ATP2C2: variants seen among roughly 807,000 people sequenced by gnomAD.
ATP2C2 encodes calcium-transporting ATPase type 2C member 2.
ATP2C2 carries 171 observed loss-of-function variants against 110.8 expected under a neutral mutation model. That is an observed-to-expected ratio of 1.54 (90% CI 1.36 to 1.75). The LOEUF (loss-of-function observed/expected upper bound fraction) is 1.75. Ranked by LOEUF, ATP2C2 falls within the 40% of genes most tolerant of loss-of-function variation. ATP2C2 has a pLI of 0.00. For synonymous variants in ATP2C2, 804 were observed against 508.4 expected, an observed-to-expected ratio of 1.58 and a Z score of -7.82; for missense variants, 1,963 against 1,235.0, an observed-to-expected ratio of 1.59 and a Z score of -8.84.
intron 3 of ATP2C2, among the ~76,000 whole-genome samples, chr16:84,407,907 A>G (rs1299634999): frequency 6.6e-6 from 1 of 152,244 alleles, no homozygotes; most frequent in East Asian, 1.9e-4. Flanking sequence ...AAGGGCAGAT[A>G]TATAAAATAA....
intron 1 of ATP2C2, among the ~76,000 whole-genome samples, chr16:84,390,744 G>A (rs1904607495): frequency 6.6e-6 from 1 of 152,174 alleles, no homozygotes; most frequent in South Asian, 2.1e-4. Context: ...TAGATGCACT[G>A]AACTGCATGC....
chr16:84,447,024 C>A (rs1029097973), intron 16 of ATP2C2, among the ~76,000 whole-genome samples: 31 of 152,114 alleles, frequency 2.0e-4, no homozygotes, highest in Admixed American at 1.6e-3. Context: ...ATGGCCACCC[C>A]GGGTGGACAT....
In ATP2C2 at chr16:84,405,795, C is replaced by T. The variant is rs1018046663; in HGVS notation, c.327+551C>T. Among the ~76,000 whole-genome samples the T allele has an allele frequency of 2.0e-5, 3 of 152,240 alleles. No individual in the cohort carries two copies. The East Asian group carries it at 5.8e-4, about 29-fold the overall frequency. ...ATTAGCCGGATGTGGTAGTGGATGC[C>T]TGTAATCCCAGCTACTGAGGAGGCT... On this transcript the variant is annotated intron_variant, in intron 3 of 26. Coordinates refer to ENST00000262429, the MANE Select transcript of ATP2C2 (RefSeq NM_014861.4).
Position 84,439,513 on chromosome 16 carries a change from C to A in ATP2C2, c.1198C>A (p.Leu400Ile), listed in dbSNP as rs201069944. 15 of 1,614,014 alleles carry A rather than the reference C, an allele frequency of 9.3e-6. No homozygotes were observed. The highest frequency in any genetic ancestry group is 1.3e-5 in the Non-Finnish European group (15 of 1,180,018). The change falls in exon 13 of 27, where the codon CTT becomes ATT. Residue 400 changes from leucine (L) to isoleucine (I), a missense_variant. Transcript: ENST00000262429. ...TVTQLVTSDG[L>I]RAEVSGVGYD... ...GACCCAGCTTGTAACGTCAGATGGGCTTCGTGCCGAGGTGAGTGCCAAAGG... is the reference window on the plus strand; with the variant it reads ...GACCCAGCTTGTAACGTCAGATGGGATTCGTGCCGAGGTGAGTGCCAAAGG...
At chr16:84,381,311 A>G (rs545486996) in intron 1 of ATP2C2, among the ~76,000 whole-genome samples, 60 of 152,196 alleles carry the variant, frequency 3.9e-4, no homozygotes, top group South Asian at 4.2e-4. Context: ...TCTTTTGTGG[A>G]TCTTCAGTTA....
At position 84,462,187 on chromosome 16, in the gene ATP2C2, G is replaced by A. The variant is rs1597894033; in HGVS notation, c.2722+58G>A. On this transcript the variant is annotated intron_variant, in intron 26 of 26. Coordinates refer to ENST00000262429, the MANE Select transcript of ATP2C2 (RefSeq NM_014861.4). The stretch of plus-strand genomic sequence containing the variant: ...TCGACCAGGGCCATGGGGGGCGGCA[G>A]CTGCCAGGTGGGGAGCTGCAGCCCA... 6 of 1,572,952 alleles carry A rather than the reference G, an allele frequency of 3.8e-6. No individual in the cohort carries two copies. In the East Asian group the frequency reaches 1.4e-4, roughly 35 times the overall value.
intron 7 of ATP2C2, among the ~76,000 whole-genome samples, chr16:84,420,064 C>G (rs1907190273): frequency 6.6e-6 from 1 of 152,138 alleles, no homozygotes; most frequent in African/African-American, 2.4e-5. Flanking sequence ...GCACCTAAAA[C>G]CCTCCCCCAG....
At position 84,461,694 on chromosome 16, in the gene ATP2C2, C is replaced by T. The variant is rs781724696; in HGVS notation, c.2482-20C>T. 3.7e-6 allele frequency: 6 copies of T among 1,608,474 alleles called. No homozygotes were observed. Among genetic ancestry groups the T allele is most frequent in the Non-Finnish European group, 4.3e-6 (5 of 1,174,792 alleles). ...TTGTCTCTTCCCGCCTAACCTCTCA[C>T]CTTTGTGCTCACCTTCCAGATGCCT... is the stretch of plus-strand genomic sequence containing the variant. On this transcript the variant is annotated intron_variant, in intron 24 of 26. Coordinates refer to ENST00000262429, the MANE Select transcript of ATP2C2 (RefSeq NM_014861.4).
intron 1 of ATP2C2, among the ~76,000 whole-genome samples, chr16:84,373,375 C>T (rs1050510545): frequency 2.6e-5 from 4 of 152,228 alleles, no homozygotes; most frequent in Non-Finnish European, 5.9e-5. Context: ...TGGTGGGTGC[C>T]TGTAACCCCG....
chr16:84,453,569 C>T (rs1910517953), intron 20 of ATP2C2, among the ~76,000 whole-genome samples, 198 bp downstream of exon 20: 1 of 152,154 alleles, frequency 6.6e-6, no homozygotes, highest in African/African-American at 2.4e-5. Context: ...GGCGCGTGGG[C>T]AGCTCCCTTG....
intron 7 of ATP2C2, among the ~76,000 whole-genome samples, chr16:84,415,926 T>G (rs551959104): frequency 6.6e-6 from 1 of 151,794 alleles, no homozygotes; most frequent in African/African-American, 2.4e-5. Flanking sequence ...ACACAAGTGT[T>G]AGAAAGAAGT....
Position 84,459,991 on chromosome 16 carries a change from C to T in ATP2C2, c.2333+605C>T, listed in dbSNP as rs117301769. On this transcript the variant is annotated intron_variant, in intron 23 of 26. Coordinates refer to ENST00000262429, the MANE Select transcript of ATP2C2 (RefSeq NM_014861.4). ...TGCGCTTTGGAGTCAGGGGACCCAT[C>T]TGGCCACGTGTGCGTAACCGTATGA... The T allele has an allele frequency of 2.0e-3, 485 of 247,452 alleles. 10 individuals are homozygous for T. In the East Asian group the frequency reaches 0.043, roughly 22 times the overall value. 15.3% of individuals were successfully genotyped at this position (247,452 alleles called of 1,614,324 possible). A position where few individuals can be genotyped will look rare whatever the true frequency, so the allele number is the denominator to read the frequency against.
intron 15 of ATP2C2, among the ~76,000 whole-genome samples, chr16:84,445,899 A>C (rs974521934): frequency 3.9e-5 from 6 of 152,194 alleles, no homozygotes; most frequent in African/African-American, 1.4e-4. Flanking sequence ...CTGATCCAAA[A>C]GCCACCAAAG....
chr16:84,441,468 G>A (rs1440697767), intron 14 of ATP2C2, among the ~76,000 whole-genome samples: 1 of 152,096 alleles, frequency 6.6e-6, no homozygotes, highest in African/African-American at 2.4e-5. Context: ...GAGTCCTGCG[G>A]TCCGAGCTGT....
intron 16 of ATP2C2, among the ~76,000 whole-genome samples, 169 bp from the exon 17 acceptor site, chr16:84,448,364 G>C (rs1426012495): frequency 6.6e-6 from 1 of 152,160 alleles, no homozygotes; most frequent in Non-Finnish European, 1.5e-5. Flanking sequence ...ATGGATTCTA[G>C]AACTTCGCGA....
intron 23 of ATP2C2, chr16:84,459,794 G>C (rs1911092891): frequency 1.9e-6 from 1 of 536,732 alleles, no homozygotes; most frequent in South Asian, 2.1e-5. Context: ...TTATGGATCT[G>C]ATTGTGATCT....
rs150201349 is a variant in ATP2C2 at position 84,431,031 on chromosome 16, C to A, written c.986+5230C>A. Among the ~76,000 whole-genome samples the A allele has an allele frequency of 3.0e-4, 46 of 152,238 alleles. No individual in the cohort carries two copies. In the East Asian group the frequency reaches 8.3e-3, roughly 27 times the overall value. ...TGAATATGTATTGGGCATCTGTTGA[C>A]TCTCTGTTTACATCAAAAGTGCTGA... On this transcript the variant is annotated intron_variant, in intron 11 of 26. Transcript: ENST00000262429.
At position 84,452,059 on chromosome 16, in the gene ATP2C2, C is replaced by A; in HGVS notation, c.1799C>A (p.Thr600Lys). 1 of 1,613,614 alleles carries A rather than the reference C, an allele frequency of 6.2e-7. No homozygotes were observed. Among genetic ancestry groups the A allele is most frequent in the Non-Finnish European group, 8.5e-7 (1 of 1,179,958 alleles). The change falls in exon 18 of 27, where the codon ACG (threonine) becomes AAG (lysine). Residue 600 changes from threonine to lysine, a missense_variant. Thr to Lys is a moderately conservative substitution (Grantham distance 78, BLOSUM62 -1). Transcript: ENST00000262429. ...TCTGGTGTGTCTGTGAAGATGATAA[C>A]GGGGGATGCCCTGGAGACGGCCTTG... The part of the protein sequence containing the change: ...SESGVSVKMI[T>K]GDALETALAI...
intron 1 of ATP2C2, among the ~76,000 whole-genome samples, chr16:84,390,127 A>T (rs894885723): frequency 1.3e-5 from 2 of 152,232 alleles, no homozygotes; most frequent in Non-Finnish European, 2.9e-5. Flanking sequence ...GCTTTGGTCA[A>T]ATATGTTGAA....
Sources: allele counts gnomAD v4.1 joint callset (sites outside exome capture counted in the v4.1 genomes callset), GRCh38; gene constraint gnomAD v4.1.1; transcripts MANE v1.5; gene names NCBI Gene and HGNC (gene_info 2026-07-23, HGNC 2026-07-21).